Variants in TPR observed in about 807,000 individuals in gnomAD.
TPR encodes translocated promoter region, nuclear basket protein.
In TPR, 51 loss-of-function variants were observed where a neutral mutation model predicts 316.1. The observed-to-expected ratio is 0.16, with a 90% CI of 0.13 to 0.20. The LOEUF is 0.20. Among genes scored for constraint, TPR ranks in the 10% least tolerant of loss-of-function variants. The pLI is 1.00. For missense variants in TPR, 2,272 were observed against 2,754.8 expected, an observed-to-expected ratio of 0.82 and a Z score of 3.92; for synonymous variants, 981 against 914.7, an observed-to-expected ratio of 1.07 and a Z score of -1.31.
intron 22 of TPR, 87 bp downstream of exon 22, chr1:186,347,205 G>C (rs573915933): frequency 1.6e-5 from 23 of 1,413,068 alleles, no homozygotes; most frequent in Non-Finnish European, 5.9e-6. Flanking sequence ...ATTCATACGA[G>C]TGCCTTAAAA....
intron 15 of TPR, among the ~76,000 whole-genome samples, chr1:186,356,067 G>C (rs1245561534): frequency 6.6e-6 from 1 of 151,948 alleles, no homozygotes; most frequent in Non-Finnish European, 1.5e-5. Flanking sequence ...GTAATTCATT[G>C]ATTCTGAAAT....
intron 13 of TPR, 26 bp downstream of exon 13, chr1:186,358,517 A>T: frequency 6.3e-7 from 1 of 1,585,206 alleles, no homozygotes; most frequent in South Asian, 1.1e-5. Context: ...TTTTAAAAGT[A>T]GGAAAACAAA....
In TPR at chr1:186,350,269, A is replaced by G. The variant is rs1456919726; in HGVS notation, c.2730T>C (p.Asn910=). The change falls in exon 21 of 51, where the codon AAT becomes AAC. Residue 910 remains asparagine (N), a synonymous_variant. Transcript: ENST00000367478. ...EIATLKQHLS[N]MEVQVASQSS... ...ACTGAGAAGCAACTTGGACTTCCAT[A>G]TTACTGAGGTGCTGTTTCAATGTGG... 1 of 1,613,168 alleles carries G rather than the reference A, an allele frequency of 6.2e-7. No individual in the cohort carries two copies. The highest frequency in any genetic ancestry group is 8.5e-7 in the Non-Finnish European group (1 of 1,179,786).
At chr1:186,327,807 G>C in intron 39 of TPR, 147 bp from the exon 40 acceptor site, 1 of 703,080 alleles carries the variant, frequency 1.4e-6, no homozygotes, top group Non-Finnish European at 2.3e-6. Context: ...TTTTGAGACA[G>C]TCTCGCTCTT....
At chr1:186,360,104 T>C (rs1659139172) in intron 11 of TPR, 108 bp from the exon 12 acceptor site, 11 of 1,318,374 alleles carry the variant, frequency 8.3e-6, no homozygotes, top group Admixed American at 4.7e-5. Context: ...AATGGCAATG[T>C]TTACTATGTT....
chr1:186,334,552 G>A lies in TPR; in HGVS notation c.4974-19C>T, dbSNP rs1255855749. The A allele has an allele frequency of 1.3e-5, 21 of 1,600,286 alleles. No homozygotes were observed. The highest frequency in any genetic ancestry group is 1.8e-5 in the Non-Finnish European group (21 of 1,170,294). On this transcript the variant is annotated intron_variant, in intron 35 of 50. Transcript: ENST00000367478. ...GCTGGCACTTATAGAGGAGAAAATG[G>A]AAGAATAATTAATAACAAATTATTA...
rs778688342 is a variant in TPR, at chr1:186,352,116, C to T, written c.2335-6G>A. 3 of 1,582,188 alleles carry T rather than the reference C, an allele frequency of 1.9e-6. No individual in the cohort carries two copies. The highest frequency in any genetic ancestry group is 4.5e-5 in the East Asian group (2 of 44,334). ...TTCAAATTTTCTGCTCTTACCTAAA[C>T]ATAAGTAGAAATGAAATAAAAAATG... On this transcript the variant is annotated splice_polypyrimidine_tract_variant and splice_region_variant and intron_variant, in intron 18 of 50. Transcript: ENST00000367478.
intron 21 of TPR, 73 bp downstream of exon 21, chr1:186,350,150 C>T (rs3766701): frequency 0.1 from 136,662 of 1,312,016 alleles, 9,335 homozygotes; most frequent in East Asian, 0.4. Context: ...AGGCTATTTA[C>T]TGACAGGATA....
At chr1:186,338,287 AT>A (rs1295630937) in intron 30 of TPR, 44 bp from the exon 31 acceptor site, 8 of 1,513,964 alleles carry the variant, frequency 5.3e-6, no homozygotes, top group Non-Finnish European at 7.1e-6. Flanking sequence ...TATATGAGAC[AT>A]TTTTCAAAGT....
intron 38 of TPR, 30 bp from the exon 39 acceptor site, chr1:186,331,611 A>C (rs781593611): frequency 1.3e-6 from 2 of 1,482,522 alleles, no homozygotes; most frequent in South Asian, 1.3e-5. Flanking sequence ...TATATTAACC[A>C]TATCAGTGTA....
chr1:186,325,886 A>T, intron 41 of TPR, 32 bp from the exon 42 acceptor site: 1 of 1,598,672 alleles, frequency 6.3e-7, no homozygotes, highest in African/African-American at 1.3e-5. Flanking sequence ...ATAATGCTCA[A>T]ATAAAATAAA....
intron 22 of TPR, among the ~76,000 whole-genome samples, 196 bp from the exon 23 acceptor site, chr1:186,346,483 T>C (rs1290032734): frequency 6.6e-6 from 1 of 152,202 alleles, no homozygotes; most frequent in African/African-American, 2.4e-5. Context: ...GCATTTACCA[T>C]TCATCTTGGC....
intron 6 of TPR, 79 bp from the exon 7 acceptor site, chr1:186,362,459 G>A: frequency 8.7e-7 from 1 of 1,147,434 alleles, no homozygotes. Flanking sequence ...ATGCTGCTAA[G>A]GAAAAGCTAA....
Position 186,312,363 on chromosome 1 carries a change from C to A in TPR, c.*1608G>T. ...ATATTCACCTGCCAGACTGGCTTAT[C>A]AAGACAAAGGTAACATTTTTATTGT... On this transcript the variant is annotated 3_prime_UTR_variant, in exon 51 of 51. Coordinates refer to ENST00000367478, the MANE Select transcript of TPR (RefSeq NM_003292.3). 6.2e-7 allele frequency: 1 copy of A among 1,607,440 alleles called. No homozygotes were observed. The highest frequency in any genetic ancestry group is 8.5e-7 in the Non-Finnish European group (1 of 1,177,726).
chr1:186,341,554 C>T (rs927769547), intron 27 of TPR, 165 bp from the exon 28 acceptor site: 15 of 613,942 alleles, frequency 2.4e-5, no homozygotes, highest in African/African-American at 2.1e-4. Context: ...GTGAGGCATG[C>T]GAACTGCAGA....
chr1:186,375,037 G>A lies in TPR; in HGVS notation c.-9C>T, dbSNP rs1335568294. Reference sequence around the variant, plus strand: ...TGCAACACCGCCGCCATGTCGGTGGGGCCAGGGACCCCAGTGGCAGCGGCC... The same window carrying A: ...TGCAACACCGCCGCCATGTCGGTGGAGCCAGGGACCCCAGTGGCAGCGGCC... On this transcript the variant is annotated 5_prime_UTR_variant, in exon 1 of 51. Coordinates refer to ENST00000367478, the MANE Select transcript of TPR (RefSeq NM_003292.3). The A allele has an allele frequency of 1.2e-6, 2 of 1,613,972 alleles. No individual in the cohort carries two copies. Among genetic ancestry groups the A allele is most frequent in the African/African-American group, 1.3e-5 (1 of 75,020 alleles).
At chr1:186,372,664 G>A (rs547746060) in intron 2 of TPR, among the ~76,000 whole-genome samples, 1 of 152,174 alleles carries the variant, frequency 6.6e-6, no homozygotes, top group Non-Finnish European at 1.5e-5. Context: ...ACCCCATCTC[G>A]TCTGATCTCG....
At chr1:186,362,444 G>A in intron 6 of TPR, 64 bp from the exon 7 acceptor site, 1 of 1,284,316 alleles carries the variant, frequency 7.8e-7, no homozygotes, top group South Asian at 1.3e-5. Flanking sequence ...TCTGACATGA[G>A]GTTTATGCTG....
intron 13 of TPR, among the ~76,000 whole-genome samples, chr1:186,357,839 A>C (rs1311751869): frequency 6.6e-6 from 1 of 152,204 alleles, no homozygotes; most frequent in Non-Finnish European, 1.5e-5. Flanking sequence ...GAAGGCTATT[A>C]CTTATTACAA....
Sources: allele counts gnomAD v4.1 joint callset (sites outside exome capture counted in the v4.1 genomes callset), GRCh38; gene constraint gnomAD v4.1.1; transcripts MANE v1.5; gene names NCBI Gene and HGNC (gene_info 2026-07-23, HGNC 2026-07-21).